Variants in COPG2 observed in about 807,000 individuals in gnomAD.
COPG2 encodes coatomer subunit gamma-2.
A neutral mutation model predicts 46.3 loss-of-function variants in COPG2; 37 were observed. The ratio of observed to expected loss-of-function variants is 0.80; its 90% CI spans 0.61 to 1.05. COPG2 has a LOEUF of 1.05. Among genes scored for constraint, COPG2 ranks in the 50% least tolerant of loss-of-function variants. The probability of loss-of-function intolerance (pLI) is 0.00; values close to 1 mark genes in which losing one functional copy is unlikely to be tolerated. For missense variants in COPG2, 427 were observed against 387.8 expected, an observed-to-expected ratio of 1.10 and a Z score of -0.85; for synonymous variants, 159 against 129.7, an observed-to-expected ratio of 1.23 and a Z score of -1.53.
At chr7:130,642,191 A>G (rs1450108209) in intron 5 of COPG2, among the ~76,000 whole-genome samples, 1 of 152,092 alleles carries the variant, frequency 6.6e-6, no homozygotes, top group Non-Finnish European at 1.5e-5. Context: ...TGAGTAGAAC[A>G]GTAAAATCAG....
intron 9 of COPG2, among the ~76,000 whole-genome samples, chr7:130,596,353 C>T (rs560426301): frequency 7.9e-5 from 12 of 152,226 alleles, no homozygotes; most frequent in Admixed American, 2.0e-4. Context: ...AAAATAGGTC[C>T]GCTGGAATGC....
rs184250257 is a variant in COPG2 at position 130,644,621 on chromosome 7, T to C, written c.323+8248A>G. Among the ~76,000 whole-genome samples the C allele has an allele frequency of 3.0e-4, 45 of 152,352 alleles. 1 individual carries two copies. The East Asian group carries it at 6.2e-3, about 21-fold the overall frequency. On this transcript the variant is annotated intron_variant, in intron 5 of 23. Coordinates refer to ENST00000425248, the MANE Select transcript of COPG2 (RefSeq NM_012133.6). ...AAAGGGGGATAAATAGTGTCTTCCATACTGAACAGGCCTGTTAAGTGAATA... is the reference window on the plus strand; with the variant it reads ...AAAGGGGGATAAATAGTGTCTTCCACACTGAACAGGCCTGTTAAGTGAATA...
intron 3 of COPG2, among the ~76,000 whole-genome samples, chr7:130,665,640 A>G (rs1437091097): frequency 3.3e-5 from 5 of 152,120 alleles, no homozygotes; most frequent in Admixed American, 2.0e-4. Flanking sequence ...GACAACTTAT[A>G]TATGGGAGGA....
chr7:130,650,842 C>A (rs1554458972), intron 5 of COPG2, among the ~76,000 whole-genome samples: 1 of 152,180 alleles, frequency 6.6e-6, no homozygotes, highest in South Asian at 2.1e-4. Context: ...ATTTGGGCAT[C>A]TATTTTGCAA....
intron 9 of COPG2, among the ~76,000 whole-genome samples, chr7:130,584,247 AC>A (rs1307996980): frequency 1.3e-5 from 2 of 152,066 alleles, no homozygotes; most frequent in Non-Finnish European, 2.9e-5. Context: ...AAAGCATTTG[AC>A]AAAATCCAGC....
chr7:130,638,455 C>T (rs1554456704), intron 5 of COPG2, among the ~76,000 whole-genome samples: 1 of 152,194 alleles, frequency 6.6e-6, no homozygotes, highest in Admixed American at 6.5e-5. Context: ...GGCGGTCTGG[C>T]TACAGAGGCT....
intron 11 of COPG2, among the ~76,000 whole-genome samples, chr7:130,562,972 T>C (rs1327795362): frequency 2.0e-5 from 3 of 152,158 alleles, no homozygotes; most frequent in African/African-American, 4.8e-5. Flanking sequence ...TGACTGAGGG[T>C]TGAATTTTTT....
At chr7:130,523,048 G>A (rs1056565175) in intron 20 of COPG2, among the ~76,000 whole-genome samples, 2,412 of 145,274 alleles carry the variant, frequency 0.017, 65 homozygotes, top group African/African-American at 0.059. Context: ...GAAGTCCAGA[G>A]GTGAGGGTGC....
intron 21 of COPG2, 83 bp from the exon 22 acceptor site, chr7:130,507,906 G>A (rs1435129747): frequency 1.3e-4 from 93 of 713,462 alleles, no homozygotes; most frequent in East Asian, 7.9e-4. Flanking sequence ...ATGGTCCTCC[G>A]GAGCCTAGAG....
At chr7:130,638,667 G>A (rs903853342) in intron 5 of COPG2, among the ~76,000 whole-genome samples, 11 of 152,082 alleles carry the variant, frequency 7.2e-5, no homozygotes, top group African/African-American at 2.2e-4. Flanking sequence ...GCTGGGCTCC[G>A]TGGGGGTGGG....
chr7:130,523,983 G>A (rs1289390740), intron 20 of COPG2, among the ~76,000 whole-genome samples: 1 of 152,072 alleles, frequency 6.6e-6, no homozygotes, highest in Non-Finnish European at 1.5e-5. Context: ...AGGGTGGGTA[G>A]GTGGAGGCGG....
chr7:130,528,225 C>G (rs918321662), intron 20 of COPG2, among the ~76,000 whole-genome samples: 199 of 151,980 alleles, frequency 1.3e-3, no homozygotes, highest in African/African-American at 2.8e-3. Context: ...GTGGGGACAG[C>G]AGTGAGCGCT....
At chr7:130,576,712 A>ATT (rs1794004812) in intron 9 of COPG2, among the ~76,000 whole-genome samples, 2 of 152,192 alleles carry the variant, frequency 1.3e-5, no homozygotes, top group African/African-American at 4.8e-5. Context: ...ACAAGAACAA[A>ATT]CCAAACCCAA....
chr7:130,603,929 A>G (rs1794683717), intron 9 of COPG2: 1 of 484,546 alleles, frequency 2.1e-6, no homozygotes, highest in Non-Finnish European at 4.1e-6. Flanking sequence ...GTTCATTAAC[A>G]CGTTTTATGT....
chr7:130,638,994 C>T (rs577713632), intron 5 of COPG2, among the ~76,000 whole-genome samples: 148 of 152,326 alleles, frequency 9.7e-4, no homozygotes, highest in African/African-American at 3.2e-3. Flanking sequence ...AGTTCCCCAA[C>T]CCCTTGCACT....
chr7:130,639,734 T>C (rs1166213877), intron 5 of COPG2, among the ~76,000 whole-genome samples: 1 of 152,236 alleles, frequency 6.6e-6, no homozygotes. Flanking sequence ...GAATAGTCCA[T>C]ACATGTAGTG....
At chr7:130,577,763 G>C (rs1308972156) in intron 9 of COPG2, among the ~76,000 whole-genome samples, 1 of 118,740 alleles carries the variant, frequency 8.4e-6, no homozygotes, top group East Asian at 2.3e-4. Flanking sequence ...GCGAGACTCC[G>C]TCTCAAAAAA....
chr7:130,666,702 A>G lies in COPG2; in HGVS notation c.171+147T>C. The G allele has an allele frequency of 5.2e-6, 3 of 577,526 alleles. No individual in the cohort carries two copies. In the South Asian group the frequency reaches 6.1e-5, roughly 12 times the overall value. The allele number at this position is 577,526 out of a possible 1,614,324, so 35.8% of individuals were successfully genotyped here. A position where few individuals can be genotyped will look rare whatever the true frequency, so the allele number is the denominator to read the frequency against. On this transcript the variant is annotated intron_variant, in intron 3 of 23. Transcript: ENST00000425248. ...GTCATAGTCCTCGTACTCAAGTTTT[A>G]CATATTATTTTGTTAACCAAACGTT...
intron 17 of COPG2, among the ~76,000 whole-genome samples, chr7:130,550,005 T>TA (rs1312331511): frequency 7.2e-5 from 11 of 151,932 alleles, no homozygotes; most frequent in African/African-American, 1.9e-4. Context: ...TGCTTTGCAT[T>TA]AAAAAAAACC....
Sources: allele counts gnomAD v4.1 joint callset (sites outside exome capture counted in the v4.1 genomes callset), GRCh38; gene constraint gnomAD v4.1.1; transcripts MANE v1.5; gene names NCBI Gene and HGNC (gene_info 2026-07-23, HGNC 2026-07-21).